The following PSMD14 variants were observed in gnomAD, a reference collection of about 807,000 sequenced individuals.
PSMD14 encodes ubiquitin C-terminal hydrolase PSMD14.
Under a neutral mutation model 41.2 loss-of-function variants are expected in PSMD14, and 7 were observed. The observed-to-expected ratio is 0.17, with a 90% CI of 0.10 to 0.32. The LOEUF (loss-of-function observed/expected upper bound fraction) is 0.32, where lower values mean the gene tolerates loss of function less well. PSMD14 is among the 10% of genes least tolerant of loss of function. The probability of loss-of-function intolerance (pLI) is 1.00; values close to 1 mark genes in which losing one functional copy is unlikely to be tolerated. For synonymous variants in PSMD14, 114 were observed against 122.3 expected (o/e 0.93, Z 0.45); for missense variants, 139 against 375.6 (o/e 0.37, Z 5.21).
chr2:161,345,404 G>A, intron 3 of PSMD14, among the ~76,000 whole-genome samples: 1 of 151,292 alleles, frequency 6.6e-6, no homozygotes, highest in Non-Finnish European at 1.5e-5. Context: ...CACTATGCCC[G>A]GCTAATTTTT....
At chr2:161,311,175 GGC>G (rs1443865800) in intron 1 of PSMD14, among the ~76,000 whole-genome samples, 2 of 152,086 alleles carry the variant, frequency 1.3e-5, no homozygotes, top group Non-Finnish European at 2.9e-5. Flanking sequence ...CGGGCATGGG[GGC>G]GTGTGCCTGT....
chr2:161,322,107 T>G (rs1682616545), intron 3 of PSMD14, among the ~76,000 whole-genome samples: 1 of 152,168 alleles, frequency 6.6e-6, no homozygotes, highest in Non-Finnish European at 1.5e-5. Flanking sequence ...TAAGTCACAG[T>G]GTTAGCATAA....
intron 3 of PSMD14, among the ~76,000 whole-genome samples, chr2:161,353,591 A>G (rs1012503871): frequency 2.6e-5 from 4 of 152,182 alleles, no homozygotes; most frequent in African/African-American, 9.6e-5. Context: ...GAAAAGGTCT[A>G]TGTATTCCCT....
At chr2:161,359,140 T>TA (rs1445371385) in intron 3 of PSMD14, among the ~76,000 whole-genome samples, 7 of 151,438 alleles carry the variant, frequency 4.6e-5, no homozygotes, top group Admixed American at 3.9e-4. Flanking sequence ...GGCAAATCTT[T>TA]AAAAAAAAAT....
intron 10 of PSMD14, among the ~76,000 whole-genome samples, chr2:161,402,958 A>G (rs1574143598): frequency 6.6e-6 from 1 of 152,238 alleles, no homozygotes; most frequent in Non-Finnish European, 1.5e-5. Context: ...ATAAAATGGT[A>G]CAGCCACTGT....
intron 3 of PSMD14, among the ~76,000 whole-genome samples, chr2:161,356,181 G>C (rs1473322655): frequency 6.6e-6 from 1 of 152,090 alleles, no homozygotes; most frequent in Non-Finnish European, 1.5e-5. Flanking sequence ...TAATGACCTA[G>C]CCTTGCTGGG....
At position 161,400,078 on chromosome 2, in the gene PSMD14, T is replaced by C. The variant is rs552881535; in HGVS notation, c.771+4875T>C. Among the ~76,000 whole-genome samples the C allele has an allele frequency of 2.0e-5, 3 of 152,320 alleles. No individual in the cohort carries two copies. In the South Asian group the frequency reaches 6.2e-4, roughly 32 times the overall value. On this transcript the variant is annotated intron_variant, in intron 10 of 11. Transcript: ENST00000409682. Reference sequence around the variant, plus strand: ...TATACTTTATGTAACGCCTGAATTATTTTCAGTTTTTGCATTAAACAAGTA... The same window carrying C: ...TATACTTTATGTAACGCCTGAATTACTTTCAGTTTTTGCATTAAACAAGTA...
intron 3 of PSMD14, among the ~76,000 whole-genome samples, chr2:161,327,811 T>G (rs1682721734): frequency 6.6e-6 from 1 of 151,392 alleles, no homozygotes; most frequent in African/African-American, 2.4e-5. Context: ...CCAAAAAAAG[T>G]TATGAAAAGA....
At chr2:161,334,772 A>G (rs1262667894) in intron 3 of PSMD14, among the ~76,000 whole-genome samples, 2 of 152,352 alleles carry the variant, frequency 1.3e-5, no homozygotes, top group South Asian at 2.1e-4. Context: ...GTCTCACTAT[A>G]TCGCCCAGGC....
At chr2:161,370,991 T>G (rs752481119) in intron 6 of PSMD14, among the ~76,000 whole-genome samples, 181 bp from the exon 7 acceptor site, 7 of 152,202 alleles carry the variant, frequency 4.6e-5, no homozygotes, top group Non-Finnish European at 1.5e-5. Context: ...GTCACACATA[T>G]TCATTTCCAT....
At chr2:161,315,737 A>T (rs1377853599) in intron 1 of PSMD14, among the ~76,000 whole-genome samples, 4 of 152,188 alleles carry the variant, frequency 2.6e-5, no homozygotes, top group Admixed American at 2.6e-4. Context: ...CTAATATTCC[A>T]TACTATTTGA....
chr2:161,318,337 A>G (rs1485637763), intron 2 of PSMD14, among the ~76,000 whole-genome samples: 3 of 152,162 alleles, frequency 2.0e-5, no homozygotes, highest in Non-Finnish European at 4.4e-5. Flanking sequence ...TGTCTTTCAC[A>G]TGTAGTTTTG....
intron 3 of PSMD14, among the ~76,000 whole-genome samples, chr2:161,322,764 GAT>G (rs576711443): frequency 7.5e-4 from 114 of 152,180 alleles, no homozygotes; most frequent in African/African-American, 2.6e-3. Context: ...AGTTGATACT[GAT>G]ATTTCATTGT....
At chr2:161,344,673 A>G (rs762416304) in intron 3 of PSMD14, among the ~76,000 whole-genome samples, 36 of 152,010 alleles carry the variant, frequency 2.4e-4, no homozygotes, top group Non-Finnish European at 4.4e-4. Context: ...TTTATCTGGT[A>G]TCATTTTCCT....
At chr2:161,352,590 A>ACCCAGTGC in intron 3 of PSMD14, among the ~76,000 whole-genome samples, 1 of 152,110 alleles carries the variant, frequency 6.6e-6, no homozygotes, top group Non-Finnish European at 1.5e-5. Flanking sequence ...TTTGTCATAT[A>ACCCAGTGC]CCCAGTGCAT....
At chr2:161,327,958 G>GTGTA (rs1553503773) in intron 3 of PSMD14, among the ~76,000 whole-genome samples, 1 of 149,894 alleles carries the variant, frequency 6.7e-6, no homozygotes, top group Non-Finnish European at 1.5e-5. Context: ...GTGTGTGTGT[G>GTGTA]TGTGTGTGTG....
intron 3 of PSMD14, among the ~76,000 whole-genome samples, chr2:161,347,723 T>C (rs1683064182): frequency 6.6e-6 from 1 of 152,230 alleles, no homozygotes; most frequent in Non-Finnish European, 1.5e-5. Context: ...AAAGGGACGA[T>C]TGATTCATTT....
rs1689048563 is a variant in PSMD14 at position 161,308,505 on chromosome 2, G to C, written c.-237G>C. The C allele has an allele frequency of 6.6e-6, 1 of 152,314 alleles. No homozygotes were observed. Among genetic ancestry groups the C allele is most frequent in the Admixed American group, 6.5e-5 (1 of 15,288 alleles). The allele number at this position is 152,314 out of a possible 1,614,324, so 9.4% of individuals were successfully genotyped here. A position where few individuals can be genotyped will look rare whatever the true frequency, so the allele number is the denominator to read the frequency against. On this transcript the variant is annotated 5_prime_UTR_variant, in exon 1 of 12. Coordinates refer to ENST00000409682, the MANE Select transcript of PSMD14 (RefSeq NM_005805.6). The stretch of plus-strand genomic sequence containing the variant: ...ATCGCCGGTTTGCAGACAGAGCCGC[G>C]TCGGGTGTGCGCCGCTGCTGCTGTT...
intron 1 of PSMD14, among the ~76,000 whole-genome samples, chr2:161,311,379 A>T (rs1259502935): frequency 1.3e-5 from 2 of 152,162 alleles, no homozygotes; most frequent in African/African-American, 4.8e-5. Flanking sequence ...TCCCTAAGCA[A>T]TATAGTATAA....
Sources: allele counts gnomAD v4.1 joint callset (sites outside exome capture counted in the v4.1 genomes callset), GRCh38; gene constraint gnomAD v4.1.1; transcripts MANE v1.5; gene names NCBI Gene and HGNC (gene_info 2026-07-23, HGNC 2026-07-21).